RRM1: variants seen among roughly 807,000 people sequenced by gnomAD.
RRM1 encodes the protein ribonucleoside-diphosphate reductase large subunit.
A neutral mutation model predicts 101.5 loss-of-function variants in RRM1; 19 were observed. The ratio of observed to expected loss-of-function variants is 0.19; its 90% CI spans 0.13 to 0.27. The LOEUF (loss-of-function observed/expected upper bound fraction) is 0.27, where lower values mean the gene tolerates loss of function less well. Ranked by LOEUF, RRM1 falls within the 10% of genes least tolerant of loss-of-function variation. The pLI is 1.00. For missense variants in RRM1, 500 were observed against 962.9 expected, an observed-to-expected ratio of 0.52 and a Z score of 6.36; for synonymous variants, 298 against 323.4, an observed-to-expected ratio of 0.92 and a Z score of 0.84.
chr11:4,130,336 A>C (rs1204950426), intron 15 of RRM1, among the ~76,000 whole-genome samples: 1 of 151,806 alleles, frequency 6.6e-6, no homozygotes, highest in African/African-American at 2.4e-5. Flanking sequence ...ATTTTTCTAG[A>C]TCTTTTTCAG....
intron 14 of RRM1, 53 bp downstream of exon 14, chr11:4,127,309 A>G: frequency 1.8e-6 from 2 of 1,134,514 alleles, no homozygotes; most frequent in Non-Finnish European, 2.5e-6. Context: ...AGTGGGCTGA[A>G]TGGTGACCCC....
At chr11:4,113,347 A>G (rs1281679196) in intron 7 of RRM1, among the ~76,000 whole-genome samples, 1 of 152,238 alleles carries the variant, frequency 6.6e-6, no homozygotes, top group Non-Finnish European at 1.5e-5. Context: ...ATGGTAGTGG[A>G]GGCCTGAGCC....
At chr11:4,133,511 T>C in intron 16 of RRM1, 52 bp from the exon 17 acceptor site, 1 of 1,123,732 alleles carries the variant, frequency 8.9e-7, no homozygotes, top group Non-Finnish European at 1.3e-6. Context: ...TAGTCTTTTC[T>C]AAGCAGTCAC....
intron 1 of RRM1, chr11:4,101,788 G>C (rs184329197): frequency 5.8e-6 from 3 of 515,630 alleles, no homozygotes; most frequent in East Asian, 6.7e-5. Flanking sequence ...GTAAACGTCT[G>C]TCTGTATAGA....
At chr11:4,109,951 A>C (rs544404538) in intron 5 of RRM1, among the ~76,000 whole-genome samples, 2 of 152,200 alleles carry the variant, frequency 1.3e-5, no homozygotes, top group Non-Finnish European at 2.9e-5. Flanking sequence ...ATAAATTACC[A>C]TAAGTATTTC....
chr11:4,127,319 C>T, intron 14 of RRM1, 63 bp downstream of exon 14: 1 of 1,021,486 alleles, frequency 9.8e-7, no homozygotes. Context: ...ATGGTGACCC[C>T]ACAAAAGGAT....
At chr11:4,104,102 C>T (rs538839506) in intron 2 of RRM1, among the ~76,000 whole-genome samples, 4 of 151,894 alleles carry the variant, frequency 2.6e-5, no homozygotes, top group Non-Finnish European at 5.9e-5. Context: ...CAGAATGAGA[C>T]CCTGTCTCAA....
chr11:4,136,180 A>G (rs894770563), intron 18 of RRM1, among the ~76,000 whole-genome samples: 1 of 152,088 alleles, frequency 6.6e-6, no homozygotes, highest in Admixed American at 6.6e-5. Flanking sequence ...CCAAGTTTAA[A>G]AAAAGTTTGA....
chr11:4,105,939 T>C, intron 2 of RRM1, 107 bp from the exon 3 acceptor site: 1 of 832,936 alleles, frequency 1.2e-6, no homozygotes, highest in Non-Finnish European at 2.0e-6. Context: ...GCTGGGACTA[T>C]AGGCATGTAC....
intron 4 of RRM1, 89 bp downstream of exon 4, chr11:4,107,624 A>G: frequency 1.4e-6 from 1 of 728,662 alleles, no homozygotes; most frequent in Non-Finnish European, 2.4e-6. Flanking sequence ...TGCAAAAGAT[A>G]CAGGTAAATA....
rs775608107 is a variant in RRM1 at position 4,121,770 on chromosome 11, G to C, written c.1038+5G>C. 3.2e-5 allele frequency: 51 copies of C among 1,595,336 alleles called. No homozygotes were observed. Among genetic ancestry groups the C allele is most frequent in the Non-Finnish European group, 4.3e-5 (50 of 1,173,222 alleles). ...AAACGAGTGGAGACTAATCAGGTGA[G>C]AGATAGGTACTTGTTGGTAATAGCA... On this transcript the variant is annotated splice_donor_5th_base_variant and intron_variant, in intron 10 of 18. Coordinates refer to ENST00000300738, the MANE Select transcript of RRM1 (RefSeq NM_001033.5).
chr11:4,111,028 G>T (rs2094564723), intron 5 of RRM1, among the ~76,000 whole-genome samples: 1 of 152,010 alleles, frequency 6.6e-6, no homozygotes, highest in Non-Finnish European at 1.5e-5. Flanking sequence ...GTTAATGTGT[G>T]TAGAGCTGGC....
chr11:4,118,400 C>G lies in RRM1; in HGVS notation c.731C>G (p.Ser244Cys). 6.2e-7 allele frequency: 1 copy of G among 1,614,016 alleles called. No individual in the cohort carries two copies. Among genetic ancestry groups the G allele is most frequent in the East Asian group, 2.2e-5 (1 of 44,876 alleles). Residue 244 changes from serine to cysteine, a missense_variant, in exon 8 of 19, where the codon TCT becomes TGT. By Grantham distance (112) the Ser-to-Cys change is moderately radical. Transcript: ENST00000300738. ...TLKQCALISK[S>C]AGGIGVAVSC... is the part of the protein sequence containing the mutation. ...AAGCAATGTGCATTGATTTCTAAGT[C>G]TGCTGGAGGAATTGGTGTTGCTGTG...
chr11:4,135,912 AGAT>A (rs1420327045), intron 18 of RRM1, among the ~76,000 whole-genome samples: 2 of 150,896 alleles, frequency 1.3e-5, no homozygotes, highest in Non-Finnish European at 1.5e-5. Flanking sequence ...ACTGAATAGA[AGAT>A]GATGATCTTT....
intron 5 of RRM1, among the ~76,000 whole-genome samples, chr11:4,110,974 T>A (rs1332940736): frequency 6.6e-6 from 1 of 151,932 alleles, no homozygotes; most frequent in Non-Finnish European, 1.5e-5. Flanking sequence ...TTTTAAGTGT[T>A]AGCTGTTGTG....
intron 7 of RRM1, among the ~76,000 whole-genome samples, chr11:4,114,174 A>G (rs2094569490): frequency 6.6e-6 from 1 of 151,816 alleles, no homozygotes; most frequent in Non-Finnish European, 1.5e-5. Context: ...ATACAAAATG[A>G]TACATCTGTA....
chr11:4,134,959 T>G, intron 17 of RRM1, 123 bp from the exon 18 acceptor site: 2 of 676,782 alleles, frequency 3.0e-6, no homozygotes, highest in Non-Finnish European at 4.9e-6. Context: ...CATATGATAC[T>G]GAATGGTAAG....
intron 15 of RRM1, among the ~76,000 whole-genome samples, chr11:4,129,903 A>G (rs897967519): frequency 1.3e-5 from 2 of 151,536 alleles, no homozygotes; most frequent in African/African-American, 2.4e-5. Flanking sequence ...TTAGGAAAAC[A>G]TAGATTTGGA....
At position 4,127,236 on chromosome 11, in the gene RRM1, G is replaced by A; in HGVS notation, c.1672G>A (p.Gly558Ser). ...KEQGPYETYE[G>S]SPVSKGILQY... Reference sequence around the variant, plus strand: ...GCAGGGCCCATACGAAACCTATGAGGGCTCTCCAGTTAGCAAAGGAGTAAG... The same window carrying A: ...GCAGGGCCCATACGAAACCTATGAGAGCTCTCCAGTTAGCAAAGGAGTAAG... Residue 558 changes from glycine to serine, a missense_variant, in exon 14 of 19, where the codon GGC becomes AGC. Gly to Ser is a moderately conservative substitution (Grantham distance 56). This residue lies in a region of RRM1 where 106 missense variants were observed against 138.1 expected (regional missense o/e 0.77). Coordinates refer to ENST00000300738, the MANE Select transcript of RRM1 (RefSeq NM_001033.5). 2 of 1,595,062 alleles carry A rather than the reference G, an allele frequency of 1.3e-6. No homozygotes were observed. Among genetic ancestry groups the A allele is most frequent in the Non-Finnish European group, 1.7e-6 (2 of 1,173,756 alleles).
Sources: gnomAD v4.1 joint callset for allele counts (sites outside exome capture counted in the v4.1 genomes callset) on GRCh38, gnomAD v4.1.1 for gene constraint, gnomAD v4.1.1 regional missense constraint, MANE v1.5 for transcripts, NCBI Gene and HGNC (gene_info 2026-07-23, HGNC 2026-07-21) for gene names.